SPEG: variants seen among roughly 807,000 people sequenced by gnomAD.
SPEG encodes the protein striated muscle enriched protein kinase, also known as striated muscle preferentially expressed protein kinase.
SPEG carries 114 observed loss-of-function variants against 300.4 expected under a neutral mutation model. The ratio of observed to expected loss-of-function variants is 0.38; its 90% CI spans 0.33 to 0.44. The LOEUF (loss-of-function observed/expected upper bound fraction) is 0.44, where lower values mean the gene tolerates loss of function less well. Among genes scored for constraint, SPEG ranks in the 20% least tolerant of loss-of-function variants. The probability of loss-of-function intolerance (pLI) is 1.00; values close to 1 mark genes in which losing one functional copy is unlikely to be tolerated. For missense variants in SPEG, 4,201 were observed against 4,586.2 expected, an observed-to-expected ratio of 0.92 and a Z score of 2.43; for synonymous variants, 1,964 against 2,018.9, an observed-to-expected ratio of 0.97 and a Z score of 0.73.
rs775051646 is a variant in SPEG, at chr2:219,492,832, C to T, written c.*46C>T. On this transcript the variant is annotated 3_prime_UTR_variant, in exon 41 of 41. Coordinates refer to ENST00000312358, the MANE Select transcript of SPEG (RefSeq NM_005876.5). ...CCTCGGGCTTCAACTGGGGTTCCCA[C>T]CAATGCCACGGGACATTCCAGGGCC... The T allele has an allele frequency of 6.6e-6, 10 of 1,524,128 alleles. No individual in the cohort carries two copies. Among genetic ancestry groups the T allele is most frequent in the Non-Finnish European group, 8.8e-6 (10 of 1,135,680 alleles). The allele number at this position is 1,524,128 out of a possible 1,614,324, so 94.4% of individuals were successfully genotyped here.
chr2:219,479,100 G>C lies in SPEG; in HGVS notation c.5028-44G>C. On this transcript the variant is annotated intron_variant, in intron 22 of 40. Transcript: ENST00000312358. This position sits in a 1 kb window ranked among gnomAD's most constrained non-coding sequence, Gnocchi z 5.5. Reference sequence around the variant, plus strand: ...CCTGCCCTGAGCGCTGGGCTGGGCCGGGCAGTTGGCACTGGGCACTGTTCT... The same window carrying C: ...CCTGCCCTGAGCGCTGGGCTGGGCCCGGCAGTTGGCACTGGGCACTGTTCT... 1.3e-6 allele frequency: 2 copies of C among 1,586,534 alleles called. No individual in the cohort carries two copies. Among genetic ancestry groups the C allele is most frequent in the Middle Eastern group, 1.7e-4 (1 of 6,010 alleles).
At chr2:219,462,476 C>G in intron 8 of SPEG, 90 bp downstream of exon 8, 1 of 1,048,094 alleles carries the variant, frequency 9.5e-7, no homozygotes, top group Non-Finnish European at 1.4e-6. Flanking sequence ...GAAATGGAAT[C>G]TTGGTGGGCT....
Position 219,464,712 on chromosome 2 carries a change from G to T in SPEG, c.2881+104G>T. The T allele has an allele frequency of 1.7e-6, 2 of 1,166,174 alleles. No homozygotes were observed. The highest frequency in any genetic ancestry group is 2.4e-6 in the Non-Finnish European group (2 of 820,130). 72.2% of individuals were successfully genotyped at this position (1,166,174 alleles called of 1,614,324 possible). A position where few individuals can be genotyped will look rare whatever the true frequency, so the allele number is the denominator to read the frequency against. On this transcript the variant is annotated intron_variant, in intron 9 of 40. Transcript: ENST00000312358. The surrounding 1 kb of genome is among the most constrained non-coding windows in gnomAD (Gnocchi z 4.5). ...CAGTTAGAGGATGCCACCACTGAAA[G>T]GGCCTTAAGGGGCCCCTAGTCCAGC... is the stretch of plus-strand genomic sequence containing the variant.
At chr2:219,463,475 G>A (rs1358535745) in intron 8 of SPEG, among the ~76,000 whole-genome samples, 1 of 127,302 alleles carries the variant, frequency 7.9e-6, no homozygotes, top group Non-Finnish European at 1.6e-5. Context: ...GTGCAGTGGT[G>A]CGATCTGGGC....
intron 7 of SPEG, 29 bp from the exon 8 acceptor site, chr2:219,462,268 TC>T: frequency 6.5e-7 from 1 of 1,538,494 alleles, no homozygotes; most frequent in Non-Finnish European, 8.8e-7. Context: ...TGCCCTGTCT[TC>T]CCCTGACACT....
chr2:219,442,246 G>A (rs1021180290), intron 1 of SPEG, among the ~76,000 whole-genome samples: 1 of 151,594 alleles, frequency 6.6e-6, no homozygotes, highest in Non-Finnish European at 1.5e-5. Context: ...CGATCTAGGG[G>A]CGCCCGGGTC....
At position 219,444,972 on chromosome 2, in the gene SPEG, C is replaced by T. The variant is rs773788051; in HGVS notation, c.626C>T (p.Pro209Leu). The change falls in exon 3 of 41, where the codon CCG becomes CTG. Residue 209 changes from proline to leucine, a missense_variant. Coordinates refer to ENST00000312358, the MANE Select transcript of SPEG (RefSeq NM_005876.5). The surrounding 1 kb of genome is among the most constrained non-coding windows in gnomAD (Gnocchi z 7.8). ...AGTGGGGGTGGCACCCGCCGCCTCC[C>T]GGGCAGCCCAAGGCAAGCACAGGCA... Reference protein sequence around the residue: ...AGSGGGTRRLPGSPRQAQATG... With the variant: ...AGSGGGTRRLLGSPRQAQATG... 38 of 1,606,696 alleles carry T rather than the reference C, an allele frequency of 2.4e-5. No homozygotes were observed. Among genetic ancestry groups the T allele is most frequent in the South Asian group, 6.6e-5 (6 of 90,266 alleles).
chr2:219,452,975 T>A (rs1689883711), intron 6 of SPEG, among the ~76,000 whole-genome samples: 1 of 152,192 alleles, frequency 6.6e-6, no homozygotes, highest in African/African-American at 2.4e-5. Context: ...TAGCTGCATA[T>A]CCCTCCCGGG....
rs1692841960 is a variant in SPEG, at chr2:219,481,532, C to T, written c.5522+76C>T. ...CCTGCCTGCTACTCCCAAACTCCTG[C>T]CCCTCGACATGCAAGCCCCCAACTC... On this transcript the variant is annotated intron_variant, in intron 27 of 40. Transcript: ENST00000312358. This position sits in a 1 kb window ranked among gnomAD's most constrained non-coding sequence, Gnocchi z 5.4. 5 of 1,604,528 alleles carry T rather than the reference C, an allele frequency of 3.1e-6. No homozygotes were observed. The highest frequency in any genetic ancestry group is 1.7e-5 in the Admixed American group (1 of 59,406).
rs1308848328 is a variant in SPEG at position 219,480,216 on chromosome 2, G to A, written c.5342+76G>A. On this transcript the variant is annotated intron_variant, in intron 25 of 40. Transcript: ENST00000312358. The surrounding 1 kb of genome is among the most constrained non-coding windows in gnomAD (Gnocchi z 5.3). ...TGTGCTGGGGACGCGCTCACTGGCAGGGAGATTTACCGAGCCTGAATTCCT... is the reference window on the plus strand; with the variant it reads ...TGTGCTGGGGACGCGCTCACTGGCAAGGAGATTTACCGAGCCTGAATTCCT... The A allele has an allele frequency of 1.3e-6, 2 of 1,494,702 alleles. No individual in the cohort carries two copies. Among genetic ancestry groups the A allele is most frequent in the African/African-American group, 2.8e-5 (2 of 72,552 alleles). 92.6% of individuals were successfully genotyped at this position (1,494,702 alleles called of 1,614,324 possible). A position where few individuals can be genotyped will look rare whatever the true frequency, so the allele number is the denominator to read the frequency against.
chr2:219,441,941 G>T (rs1688944065), intron 1 of SPEG: 1 of 262,736 alleles, frequency 3.8e-6, no homozygotes, highest in Non-Finnish European at 6.9e-6. Context: ...TCCGCCACCC[G>T]CGCCGGCTCC....
In SPEG at chr2:219,483,571, G is replaced by A. The variant is rs1386217462; in HGVS notation, c.6108G>A (p.Ala2036=). The change falls in exon 30 of 41, where the codon GCG becomes GCA. Residue 2036 remains alanine, a synonymous_variant. Coordinates refer to ENST00000312358, the MANE Select transcript of SPEG (RefSeq NM_005876.5). ...TGGGCCGGGGCCTGCACAAGGCGGC[G>A]TCTGTGGAGCTGCCGCAGCGCCGGA... is the stretch of plus-strand genomic sequence containing the variant. ...RELGRGLHKA[A]SVELPQRRSP... is the part of the protein sequence containing the mutation. The A allele has an allele frequency of 1.7e-5, 25 of 1,456,820 alleles. 1 individual carries two copies. Among genetic ancestry groups the A allele is most frequent in the Non-Finnish European group, 1.9e-5 (21 of 1,116,814 alleles). The allele number at this position is 1,456,820 out of a possible 1,614,324, so 90.2% of individuals were successfully genotyped here.
Position 219,476,986 on chromosome 2 carries a change from A to G in SPEG, c.4560+4A>G. The G allele has an allele frequency of 1.9e-6, 3 of 1,595,334 alleles. No homozygotes were observed. The highest frequency in any genetic ancestry group is 2.6e-6 in the Non-Finnish European group (3 of 1,168,262). The stretch of plus-strand genomic sequence containing the variant: ...GCCGGACATCATGTGGTACAAGGTC[A>G]GAGTGTGCTGCTGGCTGAGCCTGGG... On this transcript the variant is annotated splice_donor_region_variant and intron_variant, in intron 19 of 40. Transcript: ENST00000312358.
Position 219,467,302 on chromosome 2 carries a change from C to A in SPEG, c.3010C>A (p.Arg1004Ser). ...PTDVEVDWLC[R>S]GRLLQPALLK... The stretch of plus-strand genomic sequence containing the variant: ...TGACGTGGAGGTGGATTGGCTGTGC[C>A]GTGGCCGCCTGCTGCAGCCTGCACT... Residue 1004 changes from arginine to serine, a missense_variant, in exon 10 of 41, where the codon CGT (arginine) becomes AGT (serine). Coordinates refer to ENST00000312358, the MANE Select transcript of SPEG (RefSeq NM_005876.5). 1 of 1,610,728 alleles carries A rather than the reference C, an allele frequency of 6.2e-7. No homozygotes were observed.
rs1452220168 is a variant in SPEG, at chr2:219,477,647, T to C, written c.4730-42T>C. 6.6e-7 allele frequency: 1 copy of C among 1,507,860 alleles called. No homozygotes were observed. Among genetic ancestry groups the C allele is most frequent in the South Asian group, 1.3e-5 (1 of 76,870 alleles). The allele number at this position is 1,507,860 out of a possible 1,614,324, so 93.4% of individuals were successfully genotyped here. A position where few individuals can be genotyped will look rare whatever the true frequency, so the allele number is the denominator to read the frequency against. On this transcript the variant is annotated intron_variant, in intron 20 of 40. Transcript: ENST00000312358. The surrounding 1 kb of genome is among the most constrained non-coding windows in gnomAD (Gnocchi z 6.4). ...CTGTCCCAGTCTCTGGCCTGCTTGC[T>C]TTCTTCCCCTCCCACCTAACACCAT...
chr2:219,465,432 C>T (rs1442147585), intron 9 of SPEG: 1 of 155,758 alleles, frequency 6.4e-6, no homozygotes, highest in Admixed American at 6.4e-5. Context: ...AGTTCCCCTC[C>T]TCTGTGCCTG....
Position 219,477,595 on chromosome 2 carries a change from C to G in SPEG, c.4730-94C>G. ...GCCTTGAGCCCCCAACATTCTTGCA[C>G]CTCTTCTCTCTTCTTCTTCTGTCCA... On this transcript the variant is annotated intron_variant, in intron 20 of 40. Coordinates refer to ENST00000312358, the MANE Select transcript of SPEG (RefSeq NM_005876.5). This position sits in a 1 kb window ranked among gnomAD's most constrained non-coding sequence, Gnocchi z 6.4. 7.2e-7 allele frequency: 1 copy of G among 1,386,626 alleles called. No homozygotes were observed. Among genetic ancestry groups the G allele is most frequent in the South Asian group, 1.4e-5 (1 of 71,590 alleles). The allele number at this position is 1,386,626 out of a possible 1,614,324, so 85.9% of individuals were successfully genotyped here. A position where few individuals can be genotyped will look rare whatever the true frequency, so the allele number is the denominator to read the frequency against.
rs191462231 is a variant in SPEG, at chr2:219,447,282, A to G, written c.816-692A>G. 1.8e-3 allele frequency among the ~76,000 whole-genome samples: 278 copies of G among 152,150 alleles called. 2 individuals carry two copies. The highest frequency in any genetic ancestry group is 6.1e-3 in the African/African-American group (254 of 41,518). ...TCAAGGTAGCTTTGCCAGGGGAAGC[A>G]CAAGTCAAAGGCCTATCGGGGGGCA... On this transcript the variant is annotated intron_variant, in intron 3 of 40. Transcript: ENST00000312358.
At chr2:219,472,202 C>T (rs767118352) in intron 14 of SPEG, 25 bp from the exon 15 acceptor site, 3 of 1,609,118 alleles carry the variant, frequency 1.9e-6, no homozygotes. Context: ...TTGGACCCAG[C>T]AGACATTCGA....
Sources: gnomAD v4.1 joint callset for allele counts (sites outside exome capture counted in the v4.1 genomes callset) on GRCh38, gnomAD v4.1.1 for gene constraint, Gnocchi (gnomAD v3.1) non-coding constraint, MANE v1.5 for transcripts, NCBI Gene and HGNC (gene_info 2026-07-23, HGNC 2026-07-21) for gene names.